The following NUDT5 variants were observed in gnomAD, a reference collection of about 807,000 sequenced individuals.
The protein encoded by NUDT5 is ADP-sugar pyrophosphatase.
Under a neutral mutation model 34.1 loss-of-function variants are expected in NUDT5, and 21 were observed. That is an observed-to-expected ratio of 0.62 (90% CI 0.44 to 0.89). The LOEUF is 0.89. Ranked by LOEUF, NUDT5 falls within the 40% of genes least tolerant of loss-of-function variation. The pLI, the probability that NUDT5 is intolerant of heterozygous loss-of-function variation, is 0.00. For missense variants in NUDT5, 249 were observed against 274.8 expected (o/e 0.91, Z 0.66); for synonymous variants, 85 against 97.6 (o/e 0.87, Z 0.76).
chr10:12,169,092 C>G lies in NUDT5; in HGVS notation c.551-1281G>C, dbSNP rs1001696975. ...AACTGATCTTAAAATGTAATACTTT[C>G]CTTCCGACTTCTCAAATGTTGCTGG... is the stretch of plus-strand genomic sequence containing the variant. On this transcript the variant is annotated intron_variant, in intron 9 of 9. Transcript: ENST00000491614. The surrounding 1 kb of genome is among the most constrained non-coding windows in gnomAD (Gnocchi z 4.8). Among the ~76,000 whole-genome samples the G allele has an allele frequency of 3.3e-5, 5 of 152,156 alleles. No individual in the cohort carries two copies. Among genetic ancestry groups the G allele is most frequent in the African/African-American group, 4.8e-5 (2 of 41,444 alleles).
intron 1 of NUDT5, among the ~76,000 whole-genome samples, chr10:12,188,103 CA>C (rs1835158147): frequency 6.6e-6 from 1 of 152,146 alleles, no homozygotes; most frequent in Admixed American, 6.6e-5. Context: ...CACGCCACTG[CA>C]CTCTTACGTT....
At position 12,166,037 on chromosome 10, in the gene NUDT5, T is replaced by G. The variant is rs1193080280; in HGVS notation, c.*1665A>C. The G allele has an allele frequency of 6.6e-6, 1 of 152,236 alleles. No individual in the cohort carries two copies. The highest frequency in any genetic ancestry group is 2.4e-5 in the African/African-American group (1 of 41,464). The allele number at this position is 152,236 out of a possible 1,614,324, so 9.4% of individuals were successfully genotyped here. On this transcript the variant is annotated 3_prime_UTR_variant, in exon 10 of 10. Transcript: ENST00000491614. ...CCAGACTGCCAGTTCTCAAACAGAC[T>G]GAATTTCCAAAGCACAACCTTTTCA...
Position 12,175,062 on chromosome 10 carries a change from G to C in NUDT5, c.290-1249C>G, listed in dbSNP as rs1834926810. Among the ~76,000 whole-genome samples, 1 of 152,212 alleles carries C rather than the reference G, an allele frequency of 6.6e-6. No homozygotes were observed. The highest frequency in any genetic ancestry group is 2.1e-4 in the South Asian group (1 of 4,834). On this transcript the variant is annotated intron_variant, in intron 5 of 9. Coordinates refer to ENST00000491614, the MANE Select transcript of NUDT5 (RefSeq NM_014142.4). The surrounding 1 kb of genome is among the most constrained non-coding windows in gnomAD (Gnocchi z 4.8). ...AGGCTGGGCGTGGCGGCCCACACCT[G>C]TAACCCCAGCACTTTGGGAGGCCGA...
chr10:12,180,348 C>G (rs1307574605), intron 3 of NUDT5: 1 of 152,192 alleles, frequency 6.6e-6, no homozygotes, highest in Non-Finnish European at 1.5e-5. Context: ...AGCTGACCAA[C>G]AAGCAATGCT....
chr10:12,184,810 C>G, intron 3 of NUDT5, 79 bp downstream of exon 3: 2 of 828,820 alleles, frequency 2.4e-6, no homozygotes, highest in Non-Finnish European at 3.9e-6. Flanking sequence ...AAGAAAACAT[C>G]AAAGTTTATG....
intron 2 of NUDT5, among the ~76,000 whole-genome samples, chr10:12,185,268 T>G (rs770197914): frequency 6.6e-6 from 1 of 152,158 alleles, no homozygotes; most frequent in Non-Finnish European, 1.5e-5. Flanking sequence ...AGGGAGCACA[T>G]GGGGTGAGGG....
In NUDT5 at chr10:12,172,822, C is replaced by G. The variant is rs758328331; in HGVS notation, c.430G>C (p.Val144Leu). Residue 144 changes from valine to leucine, a missense_variant, in exon 7 of 10, where the codon GTG becomes CTG. Physicochemically the swap from Val to Leu is conservative, Grantham distance 32. Transcript: ENST00000491614. The stretch of plus-strand genomic sequence containing the variant: ...TCATCTCCGTTAATGGTGACTGTCA[C>G]GATGTGTATAGTACAGTTTGACAAG... ...PGLSNCTIHI[V>L]TVTINGDDAE... is the part of the protein sequence containing the mutation. The G allele has an allele frequency of 7.4e-6, 12 of 1,614,164 alleles. No individual in the cohort carries two copies. The highest frequency in any genetic ancestry group is 9.3e-6 in the Non-Finnish European group (11 of 1,180,030).
chr10:12,183,363 C>T (rs1355329179), intron 3 of NUDT5, among the ~76,000 whole-genome samples: 1 of 152,226 alleles, frequency 6.6e-6, no homozygotes, highest in Non-Finnish European at 1.5e-5. Flanking sequence ...TTTAATTCAG[C>T]AGTGCTATCT....
chr10:12,169,221 C>T lies in NUDT5; in HGVS notation c.551-1410G>A. On this transcript the variant is annotated intron_variant, in intron 9 of 9. Coordinates refer to ENST00000491614, the MANE Select transcript of NUDT5 (RefSeq NM_014142.4). This position sits in a 1 kb window ranked among gnomAD's most constrained non-coding sequence, Gnocchi z 4.8. Reference sequence around the variant, plus strand: ...AGCCATAGTAGCCCTCTCTCCACCTCCCCTCACTTATTCTATTTTTTTCTC... The same window carrying T: ...AGCCATAGTAGCCCTCTCTCCACCTTCCCTCACTTATTCTATTTTTTTCTC... The T allele has an allele frequency of 7.1e-7, 1 of 1,404,138 alleles. No individual in the cohort carries two copies. The highest frequency in any genetic ancestry group is 2.5e-5 in the East Asian group (1 of 40,102). The allele number at this position is 1,404,138 out of a possible 1,614,324, so 87.0% of individuals were successfully genotyped here. A position where few individuals can be genotyped will look rare whatever the true frequency, so the allele number is the denominator to read the frequency against.
chr10:12,195,182 G>A (rs950620793), intron 1 of NUDT5, among the ~76,000 whole-genome samples: 2 of 152,124 alleles, frequency 1.3e-5, no homozygotes, highest in African/African-American at 4.8e-5. Context: ...AAAGCAGCTA[G>A]TTACTTCTCA....
chr10:12,186,399 A>C (rs1835129575), intron 1 of NUDT5, 67 bp from the exon 2 acceptor site: 1 of 900,866 alleles, frequency 1.1e-6, no homozygotes, highest in African/African-American at 1.7e-5. Context: ...TCCACAGGAC[A>C]CTAGTCAAAG....
chr10:12,170,824 A>G lies in NUDT5; in HGVS notation c.497-54T>C. ...AAGCTAACGTCAAGAGCCTACCAAA[A>G]CAACCCAAAATGTCTGCAGCCATCA... On this transcript the variant is annotated intron_variant, in intron 8 of 9. Coordinates refer to ENST00000491614, the MANE Select transcript of NUDT5 (RefSeq NM_014142.4). The surrounding 1 kb of genome is among the most constrained non-coding windows in gnomAD (Gnocchi z 4.9). The G allele has an allele frequency of 6.2e-7, 1 of 1,613,428 alleles. No homozygotes were observed. Among genetic ancestry groups the G allele is most frequent in the Non-Finnish European group, 8.5e-7 (1 of 1,179,360 alleles).
At position 12,187,798 on chromosome 10, in the gene NUDT5, T is replaced by A. The variant is rs1239446564; in HGVS notation, c.-41-1466A>T. Among the ~76,000 whole-genome samples, 1 of 152,142 alleles carries A rather than the reference T, an allele frequency of 6.6e-6. No homozygotes were observed. Among genetic ancestry groups the A allele is most frequent in the Non-Finnish European group, 1.5e-5 (1 of 68,028 alleles). On this transcript the variant is annotated intron_variant, in intron 1 of 9. Coordinates refer to ENST00000491614, the MANE Select transcript of NUDT5 (RefSeq NM_014142.4). This position sits in a 1 kb window ranked among gnomAD's most constrained non-coding sequence, Gnocchi z 5.4. ...TCTTACTATGCTTCTTTACAGGGAA[T>A]TTTTTTCTTGAACGACTTCACTGAT...
Position 12,170,652 on chromosome 10 carries a change from C to T in NUDT5, c.550+65G>A, listed in dbSNP as rs2131698485. ...AAAGAAATGGAGTTATATTTAGTAC[C>T]CAGTTTGCTGGGATGGGGACGGGGA... On this transcript the variant is annotated intron_variant, in intron 9 of 9. Coordinates refer to ENST00000491614, the MANE Select transcript of NUDT5 (RefSeq NM_014142.4). This position sits in a 1 kb window ranked among gnomAD's most constrained non-coding sequence, Gnocchi z 4.9. The T allele has an allele frequency of 7.1e-7, 1 of 1,410,334 alleles. No homozygotes were observed. The highest frequency in any genetic ancestry group is 2.3e-5 in the East Asian group (1 of 43,932). 87.4% of individuals were successfully genotyped at this position (1,410,334 alleles called of 1,614,324 possible). A position where few individuals can be genotyped will look rare whatever the true frequency, so the allele number is the denominator to read the frequency against.
At chr10:12,180,936 T>C (rs148020852) in intron 3 of NUDT5, among the ~76,000 whole-genome samples, 3 of 152,304 alleles carry the variant, frequency 2.0e-5, no homozygotes, top group African/African-American at 4.8e-5. Flanking sequence ...TGAATGTCAA[T>C]AGACACAACA....
At position 12,169,481 on chromosome 10, in the gene NUDT5, G is replaced by A. The variant is rs2131697046; in HGVS notation, c.550+1236C>T. ...ATGTGATAGCTAATTATGGTCCGCG[G>A]AGCCTCAAACCGAGTCGGGCCTGTG... is the stretch of plus-strand genomic sequence containing the variant. On this transcript the variant is annotated intron_variant, in intron 9 of 9. Transcript: ENST00000491614. The surrounding 1 kb of genome is among the most constrained non-coding windows in gnomAD (Gnocchi z 4.8). 3.4e-6 allele frequency: 2 copies of A among 580,358 alleles called. No individual in the cohort carries two copies. Among genetic ancestry groups the A allele is most frequent in the Non-Finnish European group, 3.0e-6 (1 of 334,926 alleles). 36.0% of individuals were successfully genotyped at this position (580,358 alleles called of 1,614,324 possible). A position where few individuals can be genotyped will look rare whatever the true frequency, so the allele number is the denominator to read the frequency against.
At position 12,165,468 on chromosome 10, in the gene NUDT5, C is replaced by A; in HGVS notation, c.*2234G>T. ...TCATAAGAAGTCCACCCTGAGATGC[C>A]TGTAAAAGTCAAATGTAATTACACT... is the stretch of plus-strand genomic sequence containing the variant. On this transcript the variant is annotated 3_prime_UTR_variant, in exon 10 of 10. Transcript: ENST00000491614. The A allele has an allele frequency of 1.7e-6, 1 of 582,350 alleles. No homozygotes were observed. Among genetic ancestry groups the A allele is most frequent in the Non-Finnish European group, 2.2e-6 (1 of 462,264 alleles). The allele number at this position is 582,350 out of a possible 1,614,324, so 36.1% of individuals were successfully genotyped here. A position where few individuals can be genotyped will look rare whatever the true frequency, so the allele number is the denominator to read the frequency against.
chr10:12,174,943 A>G (rs762001085), intron 5 of NUDT5, among the ~76,000 whole-genome samples: 2 of 152,186 alleles, frequency 1.3e-5, no homozygotes, highest in Non-Finnish European at 2.9e-5. Flanking sequence ...GGGGACTCCC[A>G]TGGCCACTGT....
Position 12,182,279 on chromosome 10 carries a change from A to G in NUDT5, c.131+2610T>C, listed in dbSNP as rs964360953. 2.6e-5 allele frequency among the ~76,000 whole-genome samples: 4 copies of G among 152,190 alleles called. No individual in the cohort carries two copies. The highest frequency in any genetic ancestry group is 5.9e-5 in the Non-Finnish European group (4 of 68,034). On this transcript the variant is annotated intron_variant, in intron 3 of 9. Transcript: ENST00000491614. This position sits in a 1 kb window ranked among gnomAD's most constrained non-coding sequence, Gnocchi z 4.3. ...AGGTGTGGAATTCTCCAGCTGGGGC[A>G]TCATGTTGGCAATGAAAAGGTTTTG... is the stretch of plus-strand genomic sequence containing the variant.
Sources: allele counts gnomAD v4.1 joint callset (sites outside exome capture counted in the v4.1 genomes callset), GRCh38; gene constraint gnomAD v4.1.1; non-coding constraint Gnocchi (gnomAD v3.1); transcripts MANE v1.5; gene names NCBI Gene and HGNC (gene_info 2026-07-23, HGNC 2026-07-21).